GREB1L: variants seen among roughly 807,000 people sequenced by gnomAD.
GREB1L encodes GREB1-like protein.
Under a neutral mutation model 200.8 loss-of-function variants are expected in GREB1L, and 17 were observed. The observed-to-expected ratio is 0.08, with a 90% confidence interval of 0.06 to 0.13. GREB1L has a LOEUF of 0.13. Among genes scored for constraint, GREB1L ranks in the 10% least tolerant of loss-of-function variants. The pLI is 1.00. For missense variants in GREB1L, 1,657 were observed against 2,367.7 expected (o/e 0.70, Z 6.23); for synonymous variants, 789 against 893.0 (o/e 0.88, Z 2.08).
intron 1 of GREB1L, among the ~76,000 whole-genome samples, chr18:21,243,099 G>A (rs1019788706): frequency 1.1e-4 from 16 of 152,104 alleles, no homozygotes; most frequent in Non-Finnish European, 2.1e-4. Context: ...GACACAAAGA[G>A]TTGTGTTGAC....
intron 1 of GREB1L, among the ~76,000 whole-genome samples, chr18:21,262,674 G>A (rs1377148436): frequency 6.6e-6 from 1 of 152,114 alleles, no homozygotes; most frequent in Non-Finnish European, 1.5e-5. Flanking sequence ...TGTATTAGTA[G>A]TTTGTCATTG....
At chr18:21,477,665 A>T (rs939484729) in intron 17 of GREB1L, among the ~76,000 whole-genome samples, 2 of 152,180 alleles carry the variant, frequency 1.3e-5, no homozygotes, top group Non-Finnish European at 2.9e-5. Context: ...ACACGCCTGT[A>T]ATCCCAGCTA....
At chr18:21,246,630 C>A (rs1305101204) in intron 1 of GREB1L, among the ~76,000 whole-genome samples, 2 of 152,098 alleles carry the variant, frequency 1.3e-5, no homozygotes, top group African/African-American at 2.4e-5. Context: ...TCAGTTACAC[C>A]ACTAATGAAT....
chr18:21,336,757 G>A (rs1297179820), intron 1 of GREB1L, among the ~76,000 whole-genome samples: 8 of 152,082 alleles, frequency 5.3e-5, no homozygotes, highest in South Asian at 2.1e-4. Context: ...TATAGGCAGC[G>A]GCACCATGAT....
intron 5 of GREB1L, among the ~76,000 whole-genome samples, chr18:21,397,116 T>TGTTATATATATATATAATTTAAG (rs2041098911): frequency 1.3e-5 from 2 of 152,150 alleles, no homozygotes; most frequent in Non-Finnish European, 2.9e-5. Flanking sequence ...TTTATAGAAG[T>TGTTATATATATATATAATTTAAG]TCCTTAAATT....
At chr18:21,412,730 G>A (rs1392627039) in intron 7 of GREB1L, among the ~76,000 whole-genome samples, 5 of 152,072 alleles carry the variant, frequency 3.3e-5, no homozygotes, top group East Asian at 1.9e-4. Context: ...TCTTTGACTT[G>A]GATGGTGGTT....
chr18:21,439,511 T>G lies in GREB1L; in HGVS notation c.833-10T>G. ...TCTGTTCTGAGCACTCCTCTCCTTG[T>G]GTTCTACAGATGCTGCTAATGGAAA... On this transcript the variant is annotated splice_polypyrimidine_tract_variant and intron_variant, in intron 7 of 32. Coordinates refer to ENST00000424526, the MANE Select transcript of GREB1L (RefSeq NM_001142966.3). The G allele has an allele frequency of 6.7e-6, 10 of 1,491,072 alleles. No homozygotes were observed. The highest frequency in any genetic ancestry group is 9.2e-6 in the Non-Finnish European group (10 of 1,091,438). The allele number at this position is 1,491,072 out of a possible 1,614,324, so 92.4% of individuals were successfully genotyped here.
At chr18:21,458,679 A>G (rs2034891829) in intron 15 of GREB1L, among the ~76,000 whole-genome samples, 1 of 152,230 alleles carries the variant, frequency 6.6e-6, no homozygotes, top group Admixed American at 6.5e-5. Flanking sequence ...GGAAAAAGGA[A>G]AACAAAACAA....
At chr18:21,246,468 A>G (rs2037604854) in intron 1 of GREB1L, among the ~76,000 whole-genome samples, 2 of 152,172 alleles carry the variant, frequency 1.3e-5, no homozygotes, top group Non-Finnish European at 2.9e-5. Flanking sequence ...GTAACATTTT[A>G]TACCTTTCTT....
At chr18:21,340,733 C>T (rs1277496682) in intron 1 of GREB1L, among the ~76,000 whole-genome samples, 3 of 151,786 alleles carry the variant, frequency 2.0e-5, no homozygotes, top group Admixed American at 6.6e-5. Flanking sequence ...TTAGTAGAGA[C>T]GGGGTTTCAC....
chr18:21,261,765 A>T (rs1431087161), intron 1 of GREB1L, among the ~76,000 whole-genome samples: 1 of 152,160 alleles, frequency 6.6e-6, no homozygotes. Context: ...AATTTACTTA[A>T]GCCACATAAA....
intron 1 of GREB1L, among the ~76,000 whole-genome samples, chr18:21,253,699 G>A (rs565661583): frequency 1.2e-4 from 18 of 152,150 alleles, no homozygotes; most frequent in African/African-American, 4.1e-4. Flanking sequence ...TAATTCTACC[G>A]TCCTTACAAA....
intron 19 of GREB1L, among the ~76,000 whole-genome samples, chr18:21,493,832 C>T (rs2036436083): frequency 8.5e-6 from 1 of 117,972 alleles, no homozygotes; most frequent in African/African-American, 3.2e-5. Flanking sequence ...CACCACTGTA[C>T]TCCAGCCTGG....
In GREB1L at chr18:21,522,750, C is replaced by T. The variant is rs998180879; in HGVS notation, c.5701C>T (p.Arg1901Trp). 3.2e-5 allele frequency: 50 copies of T among 1,551,550 alleles called. No homozygotes were observed. Among genetic ancestry groups the T allele is most frequent in the Non-Finnish European group, 4.0e-5 (46 of 1,146,968 alleles). Residue 1901 changes from arginine to tryptophan, a missense_variant, in exon 33 of 33, where the codon CGG becomes TGG. Arg to Trp is a moderately radical substitution (Grantham distance 101). This residue lies in a region of GREB1L where 190 missense variants were observed against 230.2 expected (regional missense o/e 0.83). Coordinates refer to ENST00000424526, the MANE Select transcript of GREB1L (RefSeq NM_001142966.3). ...AGAAGATGAGTGGCAGTTCCGCCTC[C>T]GGGACGAGTTTCAAACTGCTAACAG... ...ELEDEWQFRL[R>W]DEFQTANSSD... is the part of the protein sequence containing the mutation.
chr18:21,472,591 GT>G lies in GREB1L; in HGVS notation c.2183-430del, dbSNP rs146558199. On this transcript the variant is annotated intron_variant, in intron 15 of 32. Coordinates refer to ENST00000424526, the MANE Select transcript of GREB1L (RefSeq NM_001142966.3). ...CGTGGTATCCTTGAACATTATATTG[GT>G]TTTTTTTTTCTTGTATATGGTTTGT... Among the ~76,000 whole-genome samples, 164 of 150,006 alleles carry G rather than the reference GT, an allele frequency of 1.1e-3. 1 individual carries two copies. The highest frequency in any genetic ancestry group is 3.7e-3 in the African/African-American group (150 of 40,950).
At chr18:21,378,095 T>C (rs1258771654) in intron 2 of GREB1L, among the ~76,000 whole-genome samples, 2 of 152,212 alleles carry the variant, frequency 1.3e-5, no homozygotes, top group Non-Finnish European at 2.9e-5. Flanking sequence ...ATCTTCTGCC[T>C]GAAGTCAAAT....
chr18:21,253,471 G>A (rs1436935352), intron 1 of GREB1L, among the ~76,000 whole-genome samples: 1 of 151,968 alleles, frequency 6.6e-6, no homozygotes, highest in African/African-American at 2.4e-5. Context: ...GGCTGGCCTC[G>A]AACTCCTGAC....
At chr18:21,406,483 C>G (rs987175766) in intron 7 of GREB1L, among the ~76,000 whole-genome samples, 5 of 152,206 alleles carry the variant, frequency 3.3e-5, no homozygotes, top group African/African-American at 1.2e-4. Context: ...TGCTTTGTAT[C>G]TAAAATTTTT....
At chr18:21,284,572 A>G (rs142222077) in intron 1 of GREB1L, among the ~76,000 whole-genome samples, 30 of 152,294 alleles carry the variant, frequency 2.0e-4, no homozygotes, top group Admixed American at 2.0e-3. Flanking sequence ...TCATCAGTTG[A>G]TAGACATTTG....
Sources: allele counts gnomAD v4.1 joint callset (sites outside exome capture counted in the v4.1 genomes callset), GRCh38; gene constraint gnomAD v4.1.1; regional missense constraint gnomAD v4.1.1; transcripts MANE v1.5; gene names NCBI Gene and HGNC (gene_info 2026-07-23, HGNC 2026-07-21).